TRHDE: variants seen among roughly 807,000 people sequenced by gnomAD.
TRHDE encodes thyrotropin-releasing hormone-degrading ectoenzyme.
TRHDE carries 72 observed loss-of-function variants against 125.7 expected under a neutral mutation model. The ratio of observed to expected loss-of-function variants is 0.57; its 90% CI spans 0.47 to 0.70. TRHDE has a LOEUF of 0.70. Ranked by LOEUF, TRHDE falls within the 30% of genes least tolerant of loss-of-function variation. TRHDE has a pLI of 0.00. For synonymous variants in TRHDE, 509 were observed against 509.1 expected, an observed-to-expected ratio of 1.00 and a Z score of 0.00; for missense variants, 1,110 against 1,327.1, an observed-to-expected ratio of 0.84 and a Z score of 2.54.
intron 2 of TRHDE, among the ~76,000 whole-genome samples, chr12:72,376,873 ATT>A (rs34217017): frequency 6.8e-6 from 1 of 146,570 alleles, no homozygotes. Context: ...TGAGTAAACC[ATT>A]TTTTTTTTTT....
intron 1 of TRHDE, among the ~76,000 whole-genome samples, chr12:72,095,211 C>G (rs1874884714): frequency 6.6e-6 from 1 of 152,170 alleles, no homozygotes; most frequent in South Asian, 2.1e-4. Context: ...GCAGTGTCAC[C>G]TTGGCTAGGC....
chr12:72,152,900 G>T (rs1385130090), intron 2 of TRHDE, among the ~76,000 whole-genome samples: 1 of 152,176 alleles, frequency 6.6e-6, no homozygotes, highest in Non-Finnish European at 1.5e-5. Flanking sequence ...TCAGAATGGT[G>T]CTGGCCTCAT....
intron 3 of TRHDE, among the ~76,000 whole-genome samples, chr12:72,380,073 G>A (rs1399473133): frequency 6.6e-6 from 1 of 152,080 alleles, no homozygotes; most frequent in African/African-American, 2.4e-5. Flanking sequence ...AACCAGCTTA[G>A]TATTTGCTGG....
rs569022170 is a variant in TRHDE, at chr12:72,636,917, T to G, written c.2675+15166T>G. 1.5e-3 allele frequency among the ~76,000 whole-genome samples: 234 copies of G among 152,268 alleles called. 1 individual carries two copies. The highest frequency in any genetic ancestry group is 0.013 in the East Asian group (68 of 5,158). ...TGGATTCGTTTTGCCAGTATTTTAT[T>G]GAGGATTTTTGCATCAATGTTCATC... On this transcript the variant is annotated intron_variant, in intron 15 of 18. Transcript: ENST00000261180.
intron 2 of TRHDE, among the ~76,000 whole-genome samples, chr12:72,238,275 AATATATAT>A (rs71071820): frequency 0.011 from 415 of 38,196 alleles, 20 homozygotes; most frequent in African/African-American, 0.046. Flanking sequence ...TCAGATCCTT[AATATATAT>A]ATATATATAT....
intron 2 of TRHDE, among the ~76,000 whole-genome samples, chr12:72,246,361 T>G (rs2139384034): frequency 6.6e-6 from 1 of 152,326 alleles, no homozygotes; most frequent in South Asian, 2.1e-4. Flanking sequence ...TGACATGCAC[T>G]TATTTTGAGT....
At chr12:72,560,883 C>A (rs1870145120) in intron 7 of TRHDE, 1 of 151,852 alleles carries the variant, frequency 6.6e-6, no homozygotes, top group Non-Finnish European at 1.5e-5. Context: ...AATCTTATTC[C>A]CAAATTTATT....
chr12:72,590,155 TA>T (rs1298468584), intron 12 of TRHDE, among the ~76,000 whole-genome samples: 2 of 147,856 alleles, frequency 1.4e-5, no homozygotes, highest in South Asian at 2.1e-4. Flanking sequence ...TATATTACTT[TA>T]TTTTTTTTGT....
At chr12:72,167,879 A>G (rs771007442) in intron 2 of TRHDE, among the ~76,000 whole-genome samples, 84 of 152,332 alleles carry the variant, frequency 5.5e-4, no homozygotes, top group Middle Eastern at 6.8e-3. Context: ...AGGCCTAAGT[A>G]TCTAAGAGAA....
At chr12:72,290,456 C>A (rs1270055385) in intron 2 of TRHDE, among the ~76,000 whole-genome samples, 1 of 152,182 alleles carries the variant, frequency 6.6e-6, no homozygotes, top group African/African-American at 2.4e-5. Context: ...TGGTTTCTTT[C>A]ATGCCATAGC....
At chr12:72,206,312 T>G (rs993306306) in intron 2 of TRHDE, among the ~76,000 whole-genome samples, 3 of 152,102 alleles carry the variant, frequency 2.0e-5, no homozygotes, top group Non-Finnish European at 4.4e-5. Flanking sequence ...AGACTGGTAT[T>G]GAACTCCTGA....
intron 2 of TRHDE, among the ~76,000 whole-genome samples, chr12:72,156,057 C>T (rs1876498932): frequency 6.6e-6 from 1 of 152,214 alleles, no homozygotes; most frequent in Admixed American, 6.5e-5. Context: ...TTCGAGCTTC[C>T]AGGCTGCTTT....
intron 2 of TRHDE, among the ~76,000 whole-genome samples, chr12:72,299,102 G>A (rs1018153039): frequency 6.6e-6 from 1 of 152,184 alleles, no homozygotes; most frequent in Non-Finnish European, 1.5e-5. Context: ...TATAGGATTT[G>A]ATATCAAATT....
intron 2 of TRHDE, among the ~76,000 whole-genome samples, chr12:72,165,241 C>A (rs1204980863): frequency 6.6e-6 from 1 of 152,170 alleles, no homozygotes; most frequent in East Asian, 1.9e-4. Flanking sequence ...AATCTTTATT[C>A]ATTCTAGTAT....
chr12:72,116,266 G>T (rs1040334695), intron 2 of TRHDE, among the ~76,000 whole-genome samples: 2 of 152,150 alleles, frequency 1.3e-5, no homozygotes, highest in African/African-American at 4.8e-5. Flanking sequence ...ATCATTGATG[G>T]ACATTTGGGT....
intron 3 of TRHDE, among the ~76,000 whole-genome samples, chr12:72,426,447 T>C (rs541577094): frequency 6.6e-6 from 1 of 152,256 alleles, no homozygotes; most frequent in East Asian, 1.9e-4. Flanking sequence ...ACAACAGTAA[T>C]AAATACTTCA....
In TRHDE at chr12:72,272,708, G is replaced by GGAA. The variant is rs1565678994; in HGVS notation, c.76_78dup (p.Lys26dup). 16 of 1,047,300 alleles carry GGAA rather than the reference G, an allele frequency of 1.5e-5. No individual in the cohort carries two copies. Among genetic ancestry groups the GGAA allele is most frequent in the South Asian group, 7.9e-5 (4 of 50,418 alleles). 64.9% of individuals were successfully genotyped at this position (1,047,300 alleles called of 1,614,324 possible). A position where few individuals can be genotyped will look rare whatever the true frequency, so the allele number is the denominator to read the frequency against. On this transcript the variant is annotated inframe_insertion, in exon 1 of 19. Coordinates refer to ENST00000261180, the MANE Select transcript of TRHDE (RefSeq NM_013381.3). This position sits in a 1 kb window ranked among gnomAD's most constrained non-coding sequence, Gnocchi z 6.7. ...AAGAAAAAGAAGAAGAAAAAGAAGAGGAAGAAGAAGAAGGAGGAGGAGGAG... is the reference window on the plus strand; with the variant it reads ...AAGAAAAAGAAGAAGAAAAAGAAGAGGAAGAAGAAGAAGAAGGAGGAGGAGGAG...
intron 2 of TRHDE, among the ~76,000 whole-genome samples, chr12:72,119,812 C>T (rs1303395011): frequency 6.6e-6 from 1 of 152,084 alleles, no homozygotes; most frequent in Non-Finnish European, 1.5e-5. Flanking sequence ...ACAGTTTTGT[C>T]ATGAAATCTA....
At chr12:72,211,686 T>C (rs1471364296) in intron 2 of TRHDE, among the ~76,000 whole-genome samples, 2 of 152,138 alleles carry the variant, frequency 1.3e-5, no homozygotes, top group Non-Finnish European at 2.9e-5. Context: ...ATTCAGGAGA[T>C]ATAGATATTT....
Sources: allele counts gnomAD v4.1 joint callset (sites outside exome capture counted in the v4.1 genomes callset), GRCh38; gene constraint gnomAD v4.1.1; non-coding constraint Gnocchi (gnomAD v3.1); transcripts MANE v1.5; gene names NCBI Gene and HGNC (gene_info 2026-07-23, HGNC 2026-07-21).